UGGT2: variants seen among roughly 807,000 people sequenced by gnomAD.
The protein encoded by UGGT2 is UDP-glucose:glycoprotein glucosyltransferase 2.
Under a neutral mutation model 192.1 loss-of-function variants are expected in UGGT2, and 180 were observed. That is an observed-to-expected ratio of 0.94 (90% CI 0.83 to 1.06). The LOEUF (loss-of-function observed/expected upper bound fraction) is 1.06, where lower values mean the gene tolerates loss of function less well. Ranked by LOEUF, UGGT2 falls within the 50% of genes least tolerant of loss-of-function variation. The pLI is 0.00. For missense variants in UGGT2, 1,849 were observed against 1,795.7 expected (o/e 1.03, Z -0.54); for synonymous variants, 580 against 591.0 (o/e 0.98, Z 0.27).
chr13:95,944,766 A>G (rs2049808404), intron 15 of UGGT2, among the ~76,000 whole-genome samples: 1 of 151,974 alleles, frequency 6.6e-6, no homozygotes, highest in African/African-American at 2.4e-5. Flanking sequence ...TCTGTTTTGA[A>G]TGCAAAATCA....
intron 36 of UGGT2, among the ~76,000 whole-genome samples, chr13:95,838,157 C>G (rs552281729): frequency 6.6e-6 from 1 of 152,178 alleles, no homozygotes; most frequent in East Asian, 1.9e-4. Flanking sequence ...TTCTATATAC[C>G]AGCAATGAAC....
intron 20 of UGGT2, among the ~76,000 whole-genome samples, chr13:95,905,668 G>A (rs912558996): frequency 5.3e-5 from 8 of 151,986 alleles, no homozygotes. Context: ...CTCTGTTTTG[G>A]TACCAGTACC....
At chr13:96,048,891 T>C (rs982903151) in intron 1 of UGGT2, among the ~76,000 whole-genome samples, 1 of 152,164 alleles carries the variant, frequency 6.6e-6, no homozygotes, top group African/African-American at 2.4e-5. Context: ...ACAGCCAAAT[T>C]GTACCAAAGG....
At chr13:95,970,636 A>G (rs890002319) in intron 11 of UGGT2, among the ~76,000 whole-genome samples, 2 of 152,206 alleles carry the variant, frequency 1.3e-5, no homozygotes, top group African/African-American at 4.8e-5. Flanking sequence ...CAAGACATAA[A>G]GTATAAAATT....
chr13:95,954,270 A>C (rs1222829671), intron 12 of UGGT2, among the ~76,000 whole-genome samples: 1 of 152,188 alleles, frequency 6.6e-6, no homozygotes, highest in Non-Finnish European at 1.5e-5. Flanking sequence ...ACCAAAAATA[A>C]AATTCTATGC....
chr13:95,992,250 T>C (rs1012093217), intron 7 of UGGT2, among the ~76,000 whole-genome samples: 1 of 152,212 alleles, frequency 6.6e-6, no homozygotes, highest in African/African-American at 2.4e-5. Context: ...ATTGGTAGTT[T>C]GACAGGAATA....
chr13:96,017,410 C>A (rs1262464934), intron 4 of UGGT2, among the ~76,000 whole-genome samples: 1 of 152,188 alleles, frequency 6.6e-6, no homozygotes, highest in African/African-American at 2.4e-5. Context: ...TCCAGCTTCG[C>A]CTTCTGTCAT....
intron 20 of UGGT2, among the ~76,000 whole-genome samples, chr13:95,906,294 T>C (rs886700048): frequency 4.6e-5 from 7 of 152,174 alleles, no homozygotes; most frequent in African/African-American, 1.2e-4. Context: ...TTATTGGACA[T>C]TGACTGGTAT....
At chr13:95,833,959 A>G (rs1024871796) in intron 37 of UGGT2, among the ~76,000 whole-genome samples, 3 of 152,196 alleles carry the variant, frequency 2.0e-5, no homozygotes, top group Non-Finnish European at 2.9e-5. Context: ...GGGGAAAGCT[A>G]TTAGTCATGA....
At chr13:96,009,099 C>T (rs1217834646) in intron 5 of UGGT2, among the ~76,000 whole-genome samples, 4 of 152,108 alleles carry the variant, frequency 2.6e-5, no homozygotes, top group Non-Finnish European at 5.9e-5. Context: ...GGAAAGAACT[C>T]CCTATTCAAT....
At chr13:95,901,540 G>A (rs996811501) in intron 21 of UGGT2, among the ~76,000 whole-genome samples, 3 of 151,886 alleles carry the variant, frequency 2.0e-5, no homozygotes, top group African/African-American at 7.3e-5. Context: ...CAATCACCTG[G>A]TATCTTATTA....
intron 17 of UGGT2, among the ~76,000 whole-genome samples, chr13:95,932,455 G>A (rs1046463949): frequency 1.3e-5 from 2 of 151,972 alleles, no homozygotes; most frequent in Non-Finnish European, 2.9e-5. Context: ...TTTGAATCCT[G>A]AAACTTTACT....
intron 20 of UGGT2, among the ~76,000 whole-genome samples, chr13:95,923,735 G>A (rs1312470965): frequency 6.6e-6 from 1 of 152,048 alleles, no homozygotes; most frequent in East Asian, 1.9e-4. Context: ...TTGAATTCTT[G>A]TTGACACAAC....
At chr13:96,021,036 C>A (rs1410260122) in intron 4 of UGGT2, among the ~76,000 whole-genome samples, 1 of 152,190 alleles carries the variant, frequency 6.6e-6, no homozygotes, top group Non-Finnish European at 1.5e-5. Context: ...ACAGAGTTGG[C>A]ATATGTTTCC....
rs191171695 is a variant in UGGT2, at chr13:95,870,542, G to C, written c.3474-3119C>G. Among the ~76,000 whole-genome samples, 43 of 152,296 alleles carry C rather than the reference G, an allele frequency of 2.8e-4. No homozygotes were observed. In the East Asian group the frequency reaches 5.0e-3, roughly 18 times the overall value. ...AAGGCCAGTTGATGTGTTGCTGGCA[G>C]CAGCTTCTAGCTTTCTCTCACTTCT... is the stretch of plus-strand genomic sequence containing the variant. On this transcript the variant is annotated intron_variant, in intron 29 of 38. Transcript: ENST00000376747.
chr13:95,912,879 C>A (rs2048549693), intron 20 of UGGT2, among the ~76,000 whole-genome samples: 1 of 152,104 alleles, frequency 6.6e-6, no homozygotes, highest in African/African-American at 2.4e-5. Context: ...GGTACTGGTA[C>A]CAAAACAGAG....
At chr13:95,995,544 T>C (rs993991503) in intron 7 of UGGT2, among the ~76,000 whole-genome samples, 7 of 152,094 alleles carry the variant, frequency 4.6e-5, no homozygotes, top group Non-Finnish European at 1.0e-4. Flanking sequence ...GAAGCACATA[T>C]ACTTTATCAA....
chr13:95,888,838 T>G (rs768793268), intron 25 of UGGT2, among the ~76,000 whole-genome samples: 2 of 151,768 alleles, frequency 1.3e-5, no homozygotes, highest in Non-Finnish European at 2.9e-5. Flanking sequence ...TTAAGAGACA[T>G]AGTCCTGCTC....
At chr13:95,811,514 G>A (rs556010607) in intron 38 of UGGT2, among the ~76,000 whole-genome samples, 37 of 152,254 alleles carry the variant, frequency 2.4e-4, no homozygotes, top group African/African-American at 8.9e-4. Context: ...TTATGAGGTA[G>A]TGAATATGTT....
Sources: gnomAD v4.1 joint callset for allele counts (sites outside exome capture counted in the v4.1 genomes callset) on GRCh38, gnomAD v4.1.1 for gene constraint, MANE v1.5 for transcripts, NCBI Gene and HGNC (gene_info 2026-07-23, HGNC 2026-07-21) for gene names.